MPZL1: variants seen among roughly 807,000 people sequenced by gnomAD.
MPZL1 encodes the protein myelin protein zero-like protein 1.
In MPZL1, 16 loss-of-function variants were observed where a neutral mutation model predicts 29.3. The observed-to-expected ratio is 0.55, with a 90% CI of 0.37 to 0.83. The LOEUF (loss-of-function observed/expected upper bound fraction) is 0.83, where lower values mean the gene tolerates loss of function less well. MPZL1 is among the 40% of genes least tolerant of loss of function. The probability of loss-of-function intolerance (pLI) is 0.00; values close to 1 mark genes in which losing one functional copy is unlikely to be tolerated. For synonymous variants in MPZL1, 143 were observed against 132.0 expected, an observed-to-expected ratio of 1.08 and a Z score of -0.57; for missense variants, 279 against 332.9, an observed-to-expected ratio of 0.84 and a Z score of 1.26.
At position 167,776,062 on chromosome 1, in the gene MPZL1, A is replaced by T; in HGVS notation, c.606-2A>T. The T allele has an allele frequency of 1.9e-6, 3 of 1,577,918 alleles. No homozygotes were observed. The highest frequency in any genetic ancestry group is 2.6e-6 in the Non-Finnish European group (3 of 1,161,390). On this transcript the variant is annotated splice_acceptor_variant, in intron 4 of 5. Transcript: ENST00000359523. LOFTEE classifies it high-confidence loss of function. ...TTGTTCTTCAAATTGCCAATTCATC[A>T]GCTGCAGTACATCAGAGAGTTTGTC...
chr1:167,724,392 G>A (rs1571127046), intron 1 of MPZL1, among the ~76,000 whole-genome samples: 2 of 152,352 alleles, frequency 1.3e-5, no homozygotes, highest in East Asian at 3.9e-4. Context: ...AGATGTGAAG[G>A]ATGGGTTAGA....
intron 4 of MPZL1, 172 bp downstream of exon 4, chr1:167,773,540 G>C (rs1274502141): frequency 3.0e-6 from 2 of 666,290 alleles, no homozygotes; most frequent in African/African-American, 3.7e-5. Flanking sequence ...GGAAATCAGT[G>C]GGCCTGCTAT....
chr1:167,776,090 C>T lies in MPZL1; in HGVS notation c.632C>T (p.Pro211Leu), dbSNP rs1173390828. Residue 211 changes from proline (P) to leucine (L), a missense_variant, in exon 5 of 6, where the codon CCA (proline) becomes CTA (leucine). By Grantham distance (98) the Pro-to-Leu change is moderately conservative. Transcript: ENST00000359523. ...TGCAGTACATCAGAGAGTTTGTCAC[C>T]AGTTAAGCAGGCTCCTCGGAAGTCC... ...TGCSTSESLS[P>L]VKQAPRKSPS... The T allele has an allele frequency of 6.2e-7, 1 of 1,610,980 alleles. No homozygotes were observed. Among genetic ancestry groups the T allele is most frequent in the Non-Finnish European group, 8.5e-7 (1 of 1,178,234 alleles).
rs532194227 is a variant in MPZL1, at chr1:167,725,517, G to A, written c.91+3275G>A. Among the ~76,000 whole-genome samples the A allele has an allele frequency of 6.6e-5, 10 of 151,616 alleles. 1 individual carries two copies. In the South Asian group the frequency reaches 1.9e-3, roughly 28 times the overall value. On this transcript the variant is annotated intron_variant, in intron 1 of 5. Transcript: ENST00000359523. ...TTTATTTTTTGGGGGATGGAGTCTC[G>A]CACTGTTGCCCAGGCTGGAGTGCAG...
chr1:167,739,274 C>CATATACATATATATAT (rs1660452463), intron 1 of MPZL1, among the ~76,000 whole-genome samples: 4 of 83,306 alleles, frequency 4.8e-5, no homozygotes, highest in African/African-American at 2.6e-4. Context: ...TACATATATA[C>CATATACATATATATAT]ATATATACAT....
At chr1:167,757,179 A>G (rs1660886812) in intron 1 of MPZL1, among the ~76,000 whole-genome samples, 1 of 152,172 alleles carries the variant, frequency 6.6e-6, no homozygotes, top group Non-Finnish European at 1.5e-5. Context: ...CCCTGTTCCC[A>G]GGAGAGATTT....
intron 1 of MPZL1, among the ~76,000 whole-genome samples, chr1:167,738,184 A>G (rs1660418192): frequency 6.6e-6 from 1 of 152,152 alleles, no homozygotes. Context: ...TCGGCCTCCC[A>G]AAGTGCTAGG....
intron 1 of MPZL1, among the ~76,000 whole-genome samples, chr1:167,722,578 TCTC>T: frequency 6.6e-6 from 1 of 152,294 alleles, no homozygotes; most frequent in African/African-American, 2.4e-5. Context: ...CACCCTGCCC[TCTC>T]CTCGTGGTGA....
At chr1:167,743,687 G>A (rs1660585370) in intron 1 of MPZL1, among the ~76,000 whole-genome samples, 1 of 151,080 alleles carries the variant, frequency 6.6e-6, no homozygotes. Flanking sequence ...AAGGGGTTGA[G>A]TTCTTGATTT....
intron 4 of MPZL1, among the ~76,000 whole-genome samples, chr1:167,775,592 C>A (rs1470127986): frequency 6.6e-6 from 1 of 152,068 alleles, no homozygotes; most frequent in African/African-American, 2.4e-5. Flanking sequence ...CCAAGACTTG[C>A]CTGGATATAT....
chr1:167,771,391 T>A (rs1661244664), intron 2 of MPZL1, among the ~76,000 whole-genome samples: 1 of 152,216 alleles, frequency 6.6e-6, no homozygotes. Context: ...TATGTCTACT[T>A]CTTTCTACAC....
intron 1 of MPZL1, among the ~76,000 whole-genome samples, chr1:167,742,774 A>AC: frequency 1.3e-5 from 2 of 152,188 alleles, no homozygotes; most frequent in South Asian, 4.1e-4. Context: ...CAGGTCTTAG[A>AC]TTTAAGTCCT....
chr1:167,767,893 T>G (rs1214336242), intron 2 of MPZL1, among the ~76,000 whole-genome samples: 1 of 150,236 alleles, frequency 6.7e-6, no homozygotes, highest in African/African-American at 2.5e-5. Context: ...TGTTTTGTTT[T>G]GTGTTTTCTG....
At chr1:167,768,869 A>G (rs887641150) in intron 2 of MPZL1, among the ~76,000 whole-genome samples, 5 of 152,202 alleles carry the variant, frequency 3.3e-5, no homozygotes, top group African/African-American at 1.2e-4. Flanking sequence ...GAATATGTGG[A>G]GATGTTGTGG....
chr1:167,761,695 A>G (rs4656559), intron 1 of MPZL1, among the ~76,000 whole-genome samples: 66,302 of 152,074 alleles, frequency 0.44, 14,811 homozygotes, highest in Non-Finnish European at 0.48. Context: ...GACAGCATTA[A>G]GAGTCCCTTT....
chr1:167,753,129 G>T (rs1660790901), intron 1 of MPZL1, among the ~76,000 whole-genome samples: 1 of 152,222 alleles, frequency 6.6e-6, no homozygotes, highest in Non-Finnish European at 1.5e-5. Flanking sequence ...GGTAAGATCA[G>T]GGAGGGCTTT....
intron 5 of MPZL1, among the ~76,000 whole-genome samples, chr1:167,786,088 C>T (rs558130126): frequency 5.3e-5 from 8 of 152,314 alleles, no homozygotes; most frequent in South Asian, 4.1e-4. Context: ...CCACCACACC[C>T]GGCCGAAAAC....
intron 1 of MPZL1, among the ~76,000 whole-genome samples, chr1:167,742,772 A>AAG: frequency 1.3e-5 from 2 of 152,250 alleles, no homozygotes; most frequent in South Asian, 4.1e-4. Context: ...TTCAGGTCTT[A>AAG]GATTTAAGTC....
intron 1 of MPZL1, among the ~76,000 whole-genome samples, chr1:167,750,445 G>A (rs563525977): frequency 1.3e-5 from 2 of 151,828 alleles, no homozygotes; most frequent in Non-Finnish European, 2.9e-5. Context: ...CAGGTAATCC[G>A]CCTGCCTCAG....
Sources: gnomAD v4.1 joint callset for allele counts (sites outside exome capture counted in the v4.1 genomes callset) on GRCh38, gnomAD v4.1.1 for gene constraint, MANE v1.5 for transcripts, NCBI Gene and HGNC (gene_info 2026-07-23, HGNC 2026-07-21) for gene names.